Variants in SUGCT observed in about 807,000 individuals in gnomAD.
SUGCT encodes succinyl-CoA:glutarate CoA-transferase.
A neutral mutation model predicts 55.0 loss-of-function variants in SUGCT; 41 were observed. The ratio of observed to expected loss-of-function variants is 0.74; its 90% CI spans 0.58 to 0.97. The LOEUF (loss-of-function observed/expected upper bound fraction) is 0.97, where lower values mean the gene tolerates loss of function less well. Ranked by LOEUF, SUGCT falls within the 50% of genes least tolerant of loss-of-function variation. The pLI, the probability that SUGCT is intolerant of heterozygous loss-of-function variation, is 0.00. For synonymous variants in SUGCT, 187 were observed against 200.4 expected (o/e 0.93, Z 0.56); for missense variants, 568 against 547.8 (o/e 1.04, Z -0.37).
At chr7:40,227,124 G>A (rs1262993082) in intron 6 of SUGCT, among the ~76,000 whole-genome samples, 2 of 134,180 alleles carry the variant, frequency 1.5e-5, no homozygotes, top group Non-Finnish European at 3.0e-5. Flanking sequence ...TCGGCTCACT[G>A]CAACCATCAC....
chr7:40,754,643 G>A (rs998168601), intron 13 of SUGCT, among the ~76,000 whole-genome samples: 1 of 152,178 alleles, frequency 6.6e-6, no homozygotes, highest in African/African-American at 2.4e-5. Flanking sequence ...CACATACCAG[G>A]GAGACCTCAC....
chr7:40,244,934 C>T (rs1789717902), intron 7 of SUGCT, among the ~76,000 whole-genome samples: 1 of 152,140 alleles, frequency 6.6e-6, no homozygotes, highest in Non-Finnish European at 1.5e-5. Context: ...AATCTCCTTT[C>T]CTCTGTGCCC....
At chr7:40,422,490 CT>C (rs1175310667) in intron 9 of SUGCT, among the ~76,000 whole-genome samples, 1 of 152,152 alleles carries the variant, frequency 6.6e-6, no homozygotes, top group Admixed American at 6.6e-5. Context: ...ATCCTTTTGT[CT>C]GGCATTGTAT....
intron 9 of SUGCT, among the ~76,000 whole-genome samples, chr7:40,334,021 C>A (rs60890957): frequency 3.3e-5 from 5 of 151,884 alleles, no homozygotes; most frequent in East Asian, 1.9e-4. Flanking sequence ...TTTGTCCTTG[C>A]GATAGTTTGC....
chr7:40,570,277 A>G (rs1415310404), intron 12 of SUGCT, among the ~76,000 whole-genome samples: 1 of 152,148 alleles, frequency 6.6e-6, no homozygotes, highest in African/African-American at 2.4e-5. Context: ...TTTTTCATTT[A>G]TTTATTGAAC....
chr7:40,316,824 G>GTACA lies in SUGCT; in HGVS notation c.786_789dup (p.Ala264TyrfsTer13), dbSNP rs1254993420. 1 of 1,598,684 alleles carries GTACA rather than the reference G, an allele frequency of 6.3e-7. No homozygotes were observed. The highest frequency in any genetic ancestry group is 8.5e-7 in the Non-Finnish European group (1 of 1,171,670). ...GGTCAAAAGGAAGCAAAACGTTGGG[G>GTACA]TACAGCTCATGGCAGTATCGTTCCT... On this transcript the variant is annotated frameshift_variant, in exon 9 of 14. Coordinates refer to ENST00000335693, the MANE Select transcript of SUGCT (RefSeq NM_001193313.2). LOFTEE classifies it high-confidence loss of function.
At chr7:40,401,137 C>G (rs1205374094) in intron 9 of SUGCT, among the ~76,000 whole-genome samples, 1 of 152,058 alleles carries the variant, frequency 6.6e-6, no homozygotes, top group Non-Finnish European at 1.5e-5. Flanking sequence ...TGTGGAATAG[C>G]CTGTATCTCA....
rs118016153 is a variant in SUGCT at position 40,613,016 on chromosome 7, C to T, written c.1089+116630C>T. Among the ~76,000 whole-genome samples, 471 of 152,162 alleles carry T rather than the reference C, an allele frequency of 3.1e-3. 8 individuals are homozygous for T. The highest frequency in any genetic ancestry group is 0.03 in the East Asian group (154 of 5,160). On this transcript the variant is annotated intron_variant, in intron 12 of 13. Coordinates refer to ENST00000335693, the MANE Select transcript of SUGCT (RefSeq NM_001193313.2). Reference sequence around the variant, plus strand: ...GGCATGATGGGGGATGCCCATAATCCCAGTTACTAGGGAGACTGAGGCAGG... The same window carrying T: ...GGCATGATGGGGGATGCCCATAATCTCAGTTACTAGGGAGACTGAGGCAGG...
intron 12 of SUGCT, among the ~76,000 whole-genome samples, chr7:40,557,371 C>G (rs1275076221): frequency 6.6e-6 from 1 of 152,174 alleles, no homozygotes; most frequent in Non-Finnish European, 1.5e-5. Context: ...ATCTTCACGA[C>G]AGTGGATTTG....
chr7:40,584,753 T>G (rs1797287507), intron 12 of SUGCT, among the ~76,000 whole-genome samples: 1 of 152,184 alleles, frequency 6.6e-6, no homozygotes, highest in African/African-American at 2.4e-5. Flanking sequence ...CCATGTTGTA[T>G]ATACAGTAAC....
chr7:40,291,910 A>T (rs1190123174), intron 8 of SUGCT, among the ~76,000 whole-genome samples: 2 of 152,200 alleles, frequency 1.3e-5, no homozygotes, highest in African/African-American at 2.4e-5. Context: ...AGAGGCAAGG[A>T]AACAGATTCT....
chr7:40,877,172 A>G, the SUGCT span, among the ~76,000 whole-genome samples: 2 of 152,184 alleles, frequency 1.3e-5, no homozygotes, highest in Non-Finnish European at 2.9e-5. Flanking sequence ...CCAAATGAAC[A>G]ATTTCTTTTG....
At chr7:40,330,758 G>A (rs1213972187) in intron 9 of SUGCT, among the ~76,000 whole-genome samples, 1 of 151,854 alleles carries the variant, frequency 6.6e-6, no homozygotes, top group Non-Finnish European at 1.5e-5. Context: ...CCAAGAAAAT[G>A]GTTTTATTGA....
chr7:40,892,684 C>T, the SUGCT span, among the ~76,000 whole-genome samples: 11 of 152,060 alleles, frequency 7.2e-5, no homozygotes, highest in African/African-American at 2.7e-4. Flanking sequence ...CAGGTGTGCA[C>T]CACCACACTT....
At chr7:40,590,097 T>C (rs1213250019) in intron 12 of SUGCT, among the ~76,000 whole-genome samples, 3 of 152,180 alleles carry the variant, frequency 2.0e-5, no homozygotes, top group African/African-American at 7.2e-5. Flanking sequence ...TGGTGATTTG[T>C]GTTTAGTGAT....
chr7:40,933,606 A>G, the SUGCT span, among the ~76,000 whole-genome samples: 1 of 152,146 alleles, frequency 6.6e-6, no homozygotes, highest in African/African-American at 2.4e-5. Flanking sequence ...ACATAATCCC[A>G]TATTTCTTGG....
chr7:40,286,986 T>A (rs1399487501), intron 8 of SUGCT, among the ~76,000 whole-genome samples: 2 of 152,156 alleles, frequency 1.3e-5, no homozygotes, highest in East Asian at 3.8e-4. Context: ...GGACCCTGAC[T>A]GGAGGGTGGT....
At chr7:40,875,919 A>G in the SUGCT span, among the ~76,000 whole-genome samples, 1 of 152,208 alleles carries the variant, frequency 6.6e-6, no homozygotes, top group Non-Finnish European at 1.5e-5. Context: ...ATAATGCCAC[A>G]GGTGGTCATA....
the SUGCT span, among the ~76,000 whole-genome samples, chr7:40,890,302 AT>A: frequency 7.1e-6 from 1 of 141,408 alleles, no homozygotes; most frequent in African/African-American, 2.7e-5. Context: ...TATAATATAA[AT>A]TAAATATTTA....
Sources: allele counts gnomAD v4.1 joint callset (sites outside exome capture counted in the v4.1 genomes callset), GRCh38; gene constraint gnomAD v4.1.1; transcripts MANE v1.5; gene names NCBI Gene and HGNC (gene_info 2026-07-23, HGNC 2026-07-21).